ELMOD2: variants seen among roughly 807,000 people sequenced by gnomAD.
ELMOD2 encodes the protein ELMO domain containing 2.
A neutral mutation model predicts 41.0 loss-of-function variants in ELMOD2; 28 were observed. The observed-to-expected ratio is 0.68, with a 90% CI of 0.51 to 0.94. The LOEUF (loss-of-function observed/expected upper bound fraction) is 0.94. Among genes scored for constraint, ELMOD2 ranks in the 40% least tolerant of loss-of-function variants. ELMOD2 has a pLI of 0.00. For missense variants in ELMOD2, 333 were observed against 343.1 expected, an observed-to-expected ratio of 0.97 and a Z score of 0.23; for synonymous variants, 106 against 107.2, an observed-to-expected ratio of 0.99 and a Z score of 0.07.
chr4:140,540,039 A>T, intron 5 of ELMOD2, 129 bp from the exon 6 acceptor site: 1 of 1,068,630 alleles, frequency 9.4e-7, no homozygotes, highest in Non-Finnish European at 1.3e-6. Flanking sequence ...GTTTTAGGAT[A>T]ATTGAAAAAT....
rs748392462 is a variant in ELMOD2 at position 140,550,327 on chromosome 4, T to G, written c.834T>G (p.Ile278Met). The G allele has an allele frequency of 6.2e-7, 1 of 1,611,340 alleles. No homozygotes were observed. The highest frequency in any genetic ancestry group is 8.5e-7 in the Non-Finnish European group (1 of 1,178,546). ...ATAGAGAGAAGTTTCATGAAAAGAT[T>G]AAAGGACTTTTACTGGATTGTAATG... is the stretch of plus-strand genomic sequence containing the variant. Reference protein sequence around the residue: ...NLYREKFHEKIKGLLLDCNVA... With the variant: ...NLYREKFHEKMKGLLLDCNVA... Residue 278 changes from isoleucine to methionine, a missense_variant, in exon 9 of 9, where the codon ATT becomes ATG. Coordinates refer to ENST00000323570, the MANE Select transcript of ELMOD2 (RefSeq NM_153702.4).
intron 3 of ELMOD2, among the ~76,000 whole-genome samples, chr4:140,533,378 AAC>A (rs1734811484): frequency 6.6e-6 from 1 of 152,200 alleles, no homozygotes; most frequent in African/African-American, 2.4e-5. Context: ...CACAATTTTT[AAC>A]AAGAGTATCA....
At chr4:140,531,220 G>A (rs1042204890) in intron 3 of ELMOD2, among the ~76,000 whole-genome samples, 9 of 152,162 alleles carry the variant, frequency 5.9e-5, no homozygotes, top group African/African-American at 1.9e-4. Flanking sequence ...CCCTAAAGCA[G>A]TGATCTTGAA....
chr4:140,541,977 A>G (rs1735118278), intron 6 of ELMOD2, among the ~76,000 whole-genome samples: 1 of 152,018 alleles, frequency 6.6e-6, no homozygotes, highest in African/African-American at 2.4e-5. Context: ...TTTTGAGGTG[A>G]TCCTAAGGTT....
At chr4:140,535,445 A>G (rs1163345603) in intron 3 of ELMOD2, 1 of 231,332 alleles carries the variant, frequency 4.3e-6, no homozygotes, top group East Asian at 1.0e-4. Flanking sequence ...TCTACTTCGT[A>G]AACACTATGG....
chr4:140,542,008 A>C (rs1735119281), intron 6 of ELMOD2, among the ~76,000 whole-genome samples: 1 of 152,066 alleles, frequency 6.6e-6, no homozygotes, highest in African/African-American at 2.4e-5. Context: ...GGTGTAGGCC[A>C]AAAGGATGTA....
chr4:140,543,563 T>C lies in ELMOD2; in HGVS notation c.713T>C (p.Met238Thr). 6.3e-7 allele frequency: 1 copy of C among 1,597,924 alleles called. No individual in the cohort carries two copies. Among genetic ancestry groups the C allele is most frequent in the Middle Eastern group, 1.7e-4 (1 of 5,880 alleles). Residue 238 changes from methionine to threonine, a missense_variant, in exon 8 of 9, where the codon ATG becomes ACG. By Grantham distance (81) the Met-to-Thr change is moderately conservative (BLOSUM62 -1). Coordinates refer to ENST00000323570, the MANE Select transcript of ELMOD2 (RefSeq NM_153702.4). ...LYNLVPGIPT[M>T]EHFHQFYCYL... ...AACCTTGTTCCTGGTATACCAACAA[T>C]GGAACACTTTCATCAGTTTTACTGT...
chr4:140,546,863 C>T (rs962890285), intron 8 of ELMOD2, among the ~76,000 whole-genome samples: 41 of 152,104 alleles, frequency 2.7e-4, no homozygotes, highest in Non-Finnish European at 1.5e-5. Flanking sequence ...TTGTAGAACC[C>T]TTTCAGTTGC....
At chr4:140,543,155 A>G (rs973341675) in intron 7 of ELMOD2, among the ~76,000 whole-genome samples, 25 of 152,056 alleles carry the variant, frequency 1.6e-4, no homozygotes, top group South Asian at 4.1e-4. Context: ...TTAGAAATCA[A>G]TGAGATTTGG....
intron 5 of ELMOD2, among the ~76,000 whole-genome samples, chr4:140,537,912 A>G (rs562811266): frequency 2.6e-4 from 39 of 152,120 alleles, no homozygotes; most frequent in African/African-American, 8.9e-4. Context: ...AATTGCTCAT[A>G]TAAGTTAAGC....
At chr4:140,541,541 T>C (rs903514064) in intron 6 of ELMOD2, among the ~76,000 whole-genome samples, 2 of 152,094 alleles carry the variant, frequency 1.3e-5, no homozygotes, top group African/African-American at 4.8e-5. Context: ...AGGGATAAAG[T>C]AGAAAAATTA....
intron 5 of ELMOD2, among the ~76,000 whole-genome samples, chr4:140,538,814 T>C (rs1375459893): frequency 6.6e-6 from 1 of 152,240 alleles, no homozygotes; most frequent in African/African-American, 2.4e-5. Flanking sequence ...TAGCATTTAC[T>C]ATGTACACTC....
intron 3 of ELMOD2, among the ~76,000 whole-genome samples, chr4:140,528,866 T>A (rs897516660): frequency 2.6e-5 from 4 of 152,230 alleles, no homozygotes; most frequent in Admixed American, 2.0e-4. Flanking sequence ...ATATATTTTT[T>A]AAAATGAGGA....
chr4:140,534,171 A>G lies in ELMOD2; in HGVS notation c.172-1562A>G, dbSNP rs567252586. 5.3e-5 allele frequency among the ~76,000 whole-genome samples: 8 copies of G among 152,324 alleles called. No individual in the cohort carries two copies. The East Asian group carries it at 9.6e-4, about 18-fold the overall frequency. ...ATTTCCAGTACCAGGAGAATGAATA[A>G]GCAAATTGAGGTATATTCATGCAAT... On this transcript the variant is annotated intron_variant, in intron 3 of 8. Coordinates refer to ENST00000323570, the MANE Select transcript of ELMOD2 (RefSeq NM_153702.4).
At chr4:140,528,503 AT>A (rs1734640207) in intron 3 of ELMOD2, among the ~76,000 whole-genome samples, 2 of 152,292 alleles carry the variant, frequency 1.3e-5, no homozygotes, top group Admixed American at 1.3e-4. Flanking sequence ...TATTTTAGGA[AT>A]TTTTTATACT....
At position 140,535,757 on chromosome 4, in the gene ELMOD2, G is replaced by T. The variant is rs755446917; in HGVS notation, c.196G>T (p.Val66Phe). The T allele has an allele frequency of 1.9e-6, 3 of 1,611,082 alleles. No individual in the cohort carries two copies. Among genetic ancestry groups the T allele is most frequent in the Non-Finnish European group, 2.5e-6 (3 of 1,179,198 alleles). The change falls in exon 4 of 9, where the codon GTT (valine) becomes TTT (phenylalanine). Residue 66 changes from valine (V) to phenylalanine (F), a missense_variant. Coordinates refer to ENST00000323570, the MANE Select transcript of ELMOD2 (RefSeq NM_153702.4). ...GGTTTTACAGAAGGCGACACATGTT[G>T]TTCAGAGTGAAGTGGACAAATATGT... ...NKVLQKATHV[V>F]QSEVDKYVDD...
rs77255633 is a variant in ELMOD2 at position 140,540,473 on chromosome 4, G to A, written c.533+172G>A. Among the ~76,000 whole-genome samples, 382 of 152,294 alleles carry A rather than the reference G, an allele frequency of 2.5e-3. 2 individuals are homozygous for A. The highest frequency in any genetic ancestry group is 0.017 in the East Asian group (86 of 5,188). ...TGGCAACAATATGAAGATATTGGAG[G>A]CCAGGCACAGTGGCTCACGCCTGTA... On this transcript the variant is annotated intron_variant, in intron 6 of 8. Transcript: ENST00000323570.
intron 2 of ELMOD2, chr4:140,526,725 G>C (rs1455187657): frequency 1.3e-5 from 2 of 152,138 alleles, no homozygotes; most frequent in Non-Finnish European, 2.9e-5. Context: ...TTAAATTATT[G>C]CTGCTCTTTT....
At position 140,552,041 on chromosome 4, in the gene ELMOD2, A is replaced by T. The variant is rs1735483536; in HGVS notation, c.*1666A>T. 1 of 152,066 alleles carries T rather than the reference A, an allele frequency of 6.6e-6. No homozygotes were observed. The highest frequency in any genetic ancestry group is 1.5e-5 in the Non-Finnish European group (1 of 67,926). The allele number at this position is 152,066 out of a possible 1,614,324, so 9.4% of individuals were successfully genotyped here. On this transcript the variant is annotated 3_prime_UTR_variant, in exon 9 of 9. Transcript: ENST00000323570. The stretch of plus-strand genomic sequence containing the variant: ...TTGGGAATATCTTCACTTAATTTTT[A>T]AAAAATATTTTCATGCTTTATTGTC...
Sources: allele counts gnomAD v4.1 joint callset (sites outside exome capture counted in the v4.1 genomes callset), GRCh38; gene constraint gnomAD v4.1.1; transcripts MANE v1.5; gene names NCBI Gene and HGNC (gene_info 2026-07-23, HGNC 2026-07-21).